The following CMAS variants were observed in gnomAD, a reference collection of about 807,000 sequenced individuals.
CMAS encodes N-acylneuraminate cytidylyltransferase.
Under a neutral mutation model 53.4 loss-of-function variants are expected in CMAS, and 21 were observed. That is an observed-to-expected ratio of 0.39 (90% CI 0.28 to 0.57). The LOEUF is 0.57. CMAS is among the 20% of genes least tolerant of loss of function. CMAS has a pLI of 0.56. For synonymous variants in CMAS, 189 were observed against 195.2 expected, an observed-to-expected ratio of 0.97 and a Z score of 0.27; for missense variants, 384 against 534.9, an observed-to-expected ratio of 0.72 and a Z score of 2.78.
At chr12:22,054,464 T>A (rs1228395506) in intron 1 of CMAS, among the ~76,000 whole-genome samples, 1 of 152,236 alleles carries the variant, frequency 6.6e-6, no homozygotes, top group Non-Finnish European at 1.5e-5. Flanking sequence ...TATCAATGGC[T>A]ATAACCCAGC....
At chr12:22,062,815 T>C (rs562871064) in intron 7 of CMAS, among the ~76,000 whole-genome samples, 3 of 152,290 alleles carry the variant, frequency 2.0e-5, no homozygotes, top group Non-Finnish European at 4.4e-5. Flanking sequence ...CTAGTACATA[T>C]GAATTACACT....
intron 4 of CMAS, among the ~76,000 whole-genome samples, chr12:22,059,211 A>G (rs552384502): frequency 8.8e-4 from 131 of 149,252 alleles, no homozygotes; most frequent in Admixed American, 3.5e-3. Context: ...TTGAATATGT[A>G]TCATTTTATC....
intron 1 of CMAS, among the ~76,000 whole-genome samples, chr12:22,049,660 C>A (rs1035630595): frequency 2.0e-5 from 3 of 152,110 alleles, no homozygotes; most frequent in Admixed American, 6.5e-5. Context: ...ACTTGTAATC[C>A]CAGCACTTTA....
chr12:22,053,855 G>A (rs759507139), intron 1 of CMAS, among the ~76,000 whole-genome samples: 5 of 144,664 alleles, frequency 3.5e-5, no homozygotes, highest in African/African-American at 5.1e-5. Flanking sequence ...CTCCAACCTG[G>A]GAGACACAGC....
At chr12:22,054,535 A>AT (rs1565529956) in intron 1 of CMAS, among the ~76,000 whole-genome samples, 1 of 151,194 alleles carries the variant, frequency 6.6e-6, no homozygotes, top group Non-Finnish European at 1.5e-5. Context: ...GTTTCATCTG[A>AT]TTTTTTTTGA....
At position 22,065,182 on chromosome 12, in the gene CMAS, T is replaced by A; in HGVS notation, c.1176T>A (p.Asp392Glu). The A allele has an allele frequency of 1.2e-6, 2 of 1,614,172 alleles. No homozygotes were observed. Among genetic ancestry groups the A allele is most frequent in the Non-Finnish European group, 1.7e-6 (2 of 1,180,000 alleles). The change falls in exon 8 of 8, where the codon GAT (aspartate) becomes GAA (glutamate). Residue 392 changes from aspartate (D) to glutamate (E), a missense_variant. By Grantham distance (45) the Asp-to-Glu change is conservative. Transcript: ENST00000229329. ...KRVGLSGAPADACSTAQKAVG... is the reference protein window; with the variant it reads ...KRVGLSGAPAEACSTAQKAVG... The stretch of plus-strand genomic sequence containing the variant: ...TGGGCCTAAGTGGCGCTCCTGCTGA[T>A]GCCTGTTCTACTGCCCAGAAGGCTG...
chr12:22,061,239 G>T, intron 5 of CMAS, 42 bp from the exon 6 acceptor site: 1 of 1,370,500 alleles, frequency 7.3e-7, no homozygotes, highest in African/African-American at 1.4e-5. Context: ...GGAGTGATTA[G>T]TACTGCACTT....
chr12:22,050,277 C>A (rs1415041467), intron 1 of CMAS, among the ~76,000 whole-genome samples: 1 of 152,220 alleles, frequency 6.6e-6, no homozygotes, highest in Non-Finnish European at 1.5e-5. Context: ...TTGGGTAAAT[C>A]GCTTAACCTC....
At position 22,065,103 on chromosome 12, in the gene CMAS, A is replaced by G; in HGVS notation, c.1115-18A>G. 1.3e-6 allele frequency: 2 copies of G among 1,578,964 alleles called. No individual in the cohort carries two copies. The highest frequency in any genetic ancestry group is 2.2e-5 in the South Asian group (2 of 88,948). On this transcript the variant is annotated intron_variant, in intron 7 of 7. Transcript: ENST00000229329. Reference sequence around the variant, plus strand: ...TTGTCTCTTTAAATGTTTGCTCAGTATTTATTTTACTTGATAGGAAATGAA... The same window carrying G: ...TTGTCTCTTTAAATGTTTGCTCAGTGTTTATTTTACTTGATAGGAAATGAA...
At chr12:22,056,805 G>T (rs961150134) in intron 3 of CMAS, among the ~76,000 whole-genome samples, 2 of 152,126 alleles carry the variant, frequency 1.3e-5, no homozygotes, top group Non-Finnish European at 1.5e-5. Context: ...TACCTCAGCA[G>T]AGTCCCTCTG....
intron 7 of CMAS, among the ~76,000 whole-genome samples, chr12:22,063,454 T>C (rs1462760996): frequency 6.6e-6 from 1 of 152,130 alleles, no homozygotes; most frequent in Non-Finnish European, 1.5e-5. Context: ...TTAAGCAAGC[T>C]TCTGTATACC....
At chr12:22,056,171 TTC>T (rs1490711367) in intron 3 of CMAS, among the ~76,000 whole-genome samples, 1 of 152,240 alleles carries the variant, frequency 6.6e-6, no homozygotes, top group Non-Finnish European at 1.5e-5. Context: ...GGATTCCATT[TTC>T]TGTTGAAATT....
intron 1 of CMAS, among the ~76,000 whole-genome samples, chr12:22,051,753 C>A (rs1238250429): frequency 6.6e-6 from 1 of 152,082 alleles, no homozygotes; most frequent in Admixed American, 6.6e-5. Context: ...GACATTTGGA[C>A]CTTTGAAGGT....
chr12:22,065,005 T>C (rs1000844079), intron 7 of CMAS, 116 bp from the exon 8 acceptor site: 2 of 674,048 alleles, frequency 3.0e-6, no homozygotes, highest in Non-Finnish European at 5.1e-6. Flanking sequence ...TTATATGCAG[T>C]GCCCCTAGGT....
intron 7 of CMAS, chr12:22,064,014 A>ATACTT (rs1391494870): frequency 6.6e-6 from 1 of 151,994 alleles, no homozygotes; most frequent in Non-Finnish European, 1.5e-5. Context: ...AAAAAAATCA[A>ATACTT]TACTTTTATA....
In CMAS at chr12:22,055,160, C is replaced by G; in HGVS notation, c.272C>G (p.Ser91Trp). The stretch of plus-strand genomic sequence containing the variant: ...TGATATCTGAACAGTGTATGGGTTT[C>G]GACAGACCATGATGAAATTGAGAAT... Reference protein sequence around the residue: ...DSGAFQSVWVSTDHDEIENVA... With the variant: ...DSGAFQSVWVWTDHDEIENVA... Residue 91 changes from serine (S) to tryptophan (W), a missense_variant, in exon 2 of 8, where the codon TCG (serine) becomes TGG (tryptophan). This residue lies in a region of CMAS where 111 missense variants were observed against 132.2 expected (regional missense o/e 0.84). Coordinates refer to ENST00000229329, the MANE Select transcript of CMAS (RefSeq NM_018686.6). The G allele has an allele frequency of 4.3e-6, 7 of 1,612,644 alleles. No homozygotes were observed. Among genetic ancestry groups the G allele is most frequent in the Non-Finnish European group, 5.9e-6 (7 of 1,179,416 alleles).
intron 1 of CMAS, among the ~76,000 whole-genome samples, chr12:22,051,381 T>A (rs1339603113): frequency 2.0e-5 from 3 of 152,224 alleles, no homozygotes; most frequent in Admixed American, 6.5e-5. Context: ...GCTTAGGGTA[T>A]AGACTTTTGA....
intron 7 of CMAS, among the ~76,000 whole-genome samples, chr12:22,064,435 A>T (rs1222263236): frequency 6.6e-6 from 1 of 151,924 alleles, no homozygotes; most frequent in Non-Finnish European, 1.5e-5. Flanking sequence ...TTAAGAGATT[A>T]TATATATATA....
At position 22,046,263 on chromosome 12, in the gene CMAS, T is replaced by C; in HGVS notation, c.-41T>C. On this transcript the variant is annotated 5_prime_UTR_variant, in exon 1 of 8. Transcript: ENST00000229329. The stretch of plus-strand genomic sequence containing the variant: ...CGAGCTGAGGTGGTGAGGGACTAGC[T>C]CCCGGATGTGGAGAAGCTGGGGAGA... 2 of 1,411,318 alleles carry C rather than the reference T, an allele frequency of 1.4e-6. No individual in the cohort carries two copies. The highest frequency in any genetic ancestry group is 9.3e-7 in the Non-Finnish European group (1 of 1,080,080). 87.4% of individuals were successfully genotyped at this position (1,411,318 alleles called of 1,614,324 possible). A position where few individuals can be genotyped will look rare whatever the true frequency, so the allele number is the denominator to read the frequency against.
Sources: gnomAD v4.1 joint callset for allele counts (sites outside exome capture counted in the v4.1 genomes callset) on GRCh38, gnomAD v4.1.1 for gene constraint, gnomAD v4.1.1 regional missense constraint, MANE v1.5 for transcripts, NCBI Gene and HGNC (gene_info 2026-07-23, HGNC 2026-07-21) for gene names.